WDFY3: variants seen among roughly 807,000 people sequenced by gnomAD.
WDFY3 encodes the protein WD repeat and FYVE domain containing 3, also known as WD repeat and FYVE domain-containing protein 3.
WDFY3 carries 66 observed loss-of-function variants against 409.6 expected under a neutral mutation model. That is an observed-to-expected ratio of 0.16 (90% confidence interval 0.13 to 0.20). The LOEUF is 0.20. Among genes scored for constraint, WDFY3 ranks in the 10% least tolerant of loss-of-function variants. The probability of loss-of-function intolerance (pLI) is 1.00; values close to 1 mark genes in which losing one functional copy is unlikely to be tolerated. For synonymous variants in WDFY3, 1,521 were observed against 1,537.1 expected, an observed-to-expected ratio of 0.99 and a Z score of 0.25; for missense variants, 3,031 against 4,298.1, an observed-to-expected ratio of 0.71 and a Z score of 8.24.
chr4:84,818,150 C>A (rs11733881), intron 12 of WDFY3, among the ~76,000 whole-genome samples: 4,012 of 152,240 alleles, frequency 0.026, 59 homozygotes, highest in South Asian at 0.05. Flanking sequence ...TAATACTCAT[C>A]CCCTACCATA....
rs555476882 is a variant in WDFY3, at chr4:84,688,672, T to C, written c.9364-407A>G. The stretch of plus-strand genomic sequence containing the variant: ...ATATCCATTCTTTTATGCCACAAAC[T>C]CCTGTTCAGACCATTCTAAAGAATT... On this transcript the variant is annotated intron_variant, in intron 61 of 67. Coordinates refer to ENST00000295888, the MANE Select transcript of WDFY3 (RefSeq NM_014991.6). Among the ~76,000 whole-genome samples, 246 of 152,282 alleles carry C rather than the reference T, an allele frequency of 1.6e-3. No homozygotes were observed. In the Middle Eastern group the frequency reaches 0.017, roughly 11 times the overall value.
chr4:84,879,613 A>AT (rs1763222326), intron 3 of WDFY3: 2 of 145,790 alleles, frequency 1.4e-5, no homozygotes, highest in Admixed American at 1.4e-4. Flanking sequence ...AATTATACAT[A>AT]CACACACACA....
intron 30 of WDFY3, 133 bp downstream of exon 30, chr4:84,772,702 A>T: frequency 1.4e-6 from 1 of 720,130 alleles, no homozygotes; most frequent in Non-Finnish European, 2.2e-6. Flanking sequence ...AGGGCCAAAA[A>T]CGTAATGTAA....
chr4:84,787,118 T>C (rs1208359889), intron 23 of WDFY3, among the ~76,000 whole-genome samples: 3 of 152,232 alleles, frequency 2.0e-5, no homozygotes, highest in African/African-American at 4.8e-5. Context: ...GTGTGTTTAT[T>C]GAACCTATCT....
Position 84,744,352 on chromosome 4 carries a change from AC to A in WDFY3, c.5974-554del, listed in dbSNP as rs548125222. Among the ~76,000 whole-genome samples, 648 of 152,120 alleles carry A rather than the reference AC, an allele frequency of 4.3e-3. 4 individuals carry two copies. Among genetic ancestry groups the A allele is most frequent in the African/African-American group, 0.015 (606 of 41,544 alleles). On this transcript the variant is annotated intron_variant, in intron 36 of 67. Transcript: ENST00000295888. ...GGGCATGTCAATAGGGAGGGGAAAT[AC>A]ATTTGTAACAAAAAACTAAGCACAC...
chr4:84,952,849 G>A (rs1773781851), intron 1 of WDFY3, among the ~76,000 whole-genome samples: 1 of 152,104 alleles, frequency 6.6e-6, no homozygotes, highest in Non-Finnish European at 1.5e-5. Context: ...GTAGATTGGT[G>A]CAGCCATTAT....
At chr4:84,689,723 GT>G (rs1463095482) in intron 61 of WDFY3, among the ~76,000 whole-genome samples, 1 of 152,172 alleles carries the variant, frequency 6.6e-6, no homozygotes. Flanking sequence ...TCTAACCTGT[GT>G]CTTTTTCAGG....
chr4:84,775,219 A>G, intron 27 of WDFY3, 81 bp from the exon 28 acceptor site: 1 of 1,113,236 alleles, frequency 9.0e-7, no homozygotes, highest in Non-Finnish European at 1.3e-6. Flanking sequence ...AATACAGCAC[A>G]TGGAACTTAT....
intron 5 of WDFY3, among the ~76,000 whole-genome samples, chr4:84,843,103 G>T (rs1348741169): frequency 1.3e-5 from 2 of 152,106 alleles, no homozygotes; most frequent in African/African-American, 2.4e-5. Flanking sequence ...CAAGAACCCT[G>T]TGAGTTATTT....
At chr4:84,707,944 G>A (rs1732249936) in intron 53 of WDFY3, among the ~76,000 whole-genome samples, 1 of 152,094 alleles carries the variant, frequency 6.6e-6, no homozygotes, top group South Asian at 2.1e-4. Flanking sequence ...CCCTTAATAT[G>A]TTGATGTCTA....
chr4:84,793,843 CAT>C (rs767470422), intron 21 of WDFY3, among the ~76,000 whole-genome samples: 1 of 152,240 alleles, frequency 6.6e-6, no homozygotes, highest in East Asian at 1.9e-4. Context: ...ACACCAACCA[CAT>C]GTCAATTAAT....
chr4:84,867,265 CTA>C (rs1409269260), intron 3 of WDFY3, among the ~76,000 whole-genome samples: 3 of 152,154 alleles, frequency 2.0e-5, no homozygotes, highest in African/African-American at 4.8e-5. Flanking sequence ...CCCTACAGTG[CTA>C]TGTTTTAGAG....
At chr4:84,828,679 T>C (rs936831100) in intron 9 of WDFY3, among the ~76,000 whole-genome samples, 2 of 152,082 alleles carry the variant, frequency 1.3e-5, no homozygotes, top group Admixed American at 6.6e-5. Context: ...AAAGGATTGC[T>C]TGAGGCCAAG....
At chr4:84,706,978 G>A (rs1440833314) in intron 53 of WDFY3, among the ~76,000 whole-genome samples, 5 of 134,336 alleles carry the variant, frequency 3.7e-5, no homozygotes, top group East Asian at 2.1e-4. Flanking sequence ...TTGCTCTGTC[G>A]CCCAGGCTGG....
chr4:84,943,878 A>G (rs1579231198), intron 1 of WDFY3, among the ~76,000 whole-genome samples: 1 of 152,316 alleles, frequency 6.6e-6, no homozygotes, highest in South Asian at 2.1e-4. Flanking sequence ...AGAGGCACAG[A>G]CATAAAGTCT....
intron 2 of WDFY3, among the ~76,000 whole-genome samples, chr4:84,918,694 G>A (rs1768834385): frequency 6.6e-6 from 1 of 151,398 alleles, no homozygotes; most frequent in African/African-American, 2.4e-5. Flanking sequence ...TAGAAAAAGG[G>A]AGAATTGGAG....
At chr4:84,693,869 T>C (rs1349316621) in intron 58 of WDFY3, among the ~76,000 whole-genome samples, 1 of 142,494 alleles carries the variant, frequency 7.0e-6, no homozygotes, top group Non-Finnish European at 1.5e-5. Context: ...CACTCCAGCC[T>C]GGGGCAACAA....
chr4:84,952,758 T>C (rs939843767), intron 1 of WDFY3, among the ~76,000 whole-genome samples: 3 of 151,994 alleles, frequency 2.0e-5, no homozygotes, highest in Non-Finnish European at 4.4e-5. Context: ...AAAAAAAAAT[T>C]TCTGGATTTA....
chr4:84,706,849 A>G (rs560025597), intron 53 of WDFY3, among the ~76,000 whole-genome samples: 82 of 152,272 alleles, frequency 5.4e-4, no homozygotes, highest in African/African-American at 1.8e-3. Context: ...CAGGAGCTGC[A>G]CTGAAAAGGT....
Sources: gnomAD v4.1 joint callset for allele counts (sites outside exome capture counted in the v4.1 genomes callset) on GRCh38, gnomAD v4.1.1 for gene constraint, MANE v1.5 for transcripts, NCBI Gene and HGNC (gene_info 2026-07-23, HGNC 2026-07-21) for gene names.